Variants in CDC42SE2 observed in about 807,000 individuals in gnomAD.
CDC42SE2 encodes the protein CDC42 small effector protein 2.
Under a neutral mutation model 11.5 loss-of-function variants are expected in CDC42SE2, and 3 were observed. The ratio of observed to expected loss-of-function variants is 0.26; its 90% CI spans 0.12 to 0.67. CDC42SE2 has a LOEUF of 0.67. Among genes scored for constraint, CDC42SE2 ranks in the 30% least tolerant of loss-of-function variants. The pLI is 0.80. For missense variants in CDC42SE2, 82 were observed against 106.8 expected (o/e 0.77, Z 1.02); for synonymous variants, 33 against 34.8 (o/e 0.95, Z 0.18).
intron 1 of CDC42SE2, among the ~76,000 whole-genome samples, chr5:131,248,013 T>G (rs1007463619): frequency 6.6e-6 from 1 of 152,080 alleles, no homozygotes; most frequent in African/African-American, 2.4e-5. Flanking sequence ...TTTAAATAAT[T>G]AAAAAATTTT....
intron 3 of CDC42SE2, among the ~76,000 whole-genome samples, chr5:131,377,316 G>A (rs183947366): frequency 1.3e-5 from 2 of 151,894 alleles, no homozygotes; most frequent in African/African-American, 4.8e-5. Flanking sequence ...CTACAGGGGT[G>A]TGCCACCACA....
intron 2 of CDC42SE2, among the ~76,000 whole-genome samples, chr5:131,342,956 AC>A (rs1298182725): frequency 1.3e-5 from 2 of 152,002 alleles, no homozygotes; most frequent in African/African-American, 2.4e-5. Flanking sequence ...CAGGTGATCC[AC>A]CCACTTCAGC....
At chr5:131,280,564 T>G (rs934402623) in intron 1 of CDC42SE2, among the ~76,000 whole-genome samples, 1 of 152,176 alleles carries the variant, frequency 6.6e-6, no homozygotes, top group African/African-American at 2.4e-5. Context: ...ATGTGGTAAG[T>G]CAACTGGAGA....
chr5:131,388,702 T>G (rs1324407849), intron 4 of CDC42SE2, among the ~76,000 whole-genome samples: 1 of 152,238 alleles, frequency 6.6e-6, no homozygotes, highest in Non-Finnish European at 1.5e-5. Context: ...GATTACTTAT[T>G]AAAGTTACTT....
rs1479945009 is a variant in CDC42SE2, at chr5:131,359,202, T to TC, written c.-285-4dup. Reference sequence around the variant, plus strand: ...ACTTTTTTTTACTTTTTCTTTTTTTTCCCTAGACTATCTGTTATAGTCCCT... The same window carrying TC: ...ACTTTTTTTTACTTTTTCTTTTTTTTCCCCTAGACTATCTGTTATAGTCCCT... On this transcript the variant is annotated splice_region_variant and splice_polypyrimidine_tract_variant and intron_variant, in intron 2 of 4. Coordinates refer to ENST00000505065, the MANE Select transcript of CDC42SE2 (RefSeq NM_001375635.1). 6.6e-6 allele frequency: 2 copies of TC among 303,038 alleles called. No homozygotes were observed. Among genetic ancestry groups the TC allele is most frequent in the Middle Eastern group, 9.1e-4 (1 of 1,098 alleles). The allele number at this position is 303,038 out of a possible 1,614,324, so 18.8% of individuals were successfully genotyped here. A position where few individuals can be genotyped will look rare whatever the true frequency, so the allele number is the denominator to read the frequency against.
intron 2 of CDC42SE2, among the ~76,000 whole-genome samples, chr5:131,318,491 A>G (rs916142427): frequency 6.6e-6 from 1 of 152,196 alleles, no homozygotes; most frequent in Non-Finnish European, 1.5e-5. Context: ...GCTGAGATGA[A>G]GGCACTTATT....
chr5:131,231,814 T>C, the CDC42SE2 span, among the ~76,000 whole-genome samples: 1 of 151,986 alleles, frequency 6.6e-6, no homozygotes, highest in South Asian at 2.1e-4. Context: ...TTTTTGGAAA[T>C]GGAGTCTCAC....
intron 1 of CDC42SE2, among the ~76,000 whole-genome samples, chr5:131,309,880 A>G (rs900126408): frequency 4.6e-5 from 7 of 151,244 alleles, no homozygotes; most frequent in African/African-American, 1.7e-4. Flanking sequence ...AATTTTGTTG[A>G]TCCTTTCAAA....
At position 131,351,505 on chromosome 5, in the gene CDC42SE2, T is replaced by C. The variant is rs375582635; in HGVS notation, c.-285-7704T>C. ...TCCTGACCTTGTGATCCGCCCGCCT[T>C]GGCCTCCCAAAGTGTTGGGATTACA... is the stretch of plus-strand genomic sequence containing the variant. On this transcript the variant is annotated intron_variant, in intron 2 of 4. Transcript: ENST00000505065. Among the ~76,000 whole-genome samples, 13 of 152,174 alleles carry C rather than the reference T, an allele frequency of 8.5e-5. No homozygotes were observed. The East Asian group carries it at 2.1e-3, about 25-fold the overall frequency.
intron 2 of CDC42SE2, among the ~76,000 whole-genome samples, chr5:131,336,466 G>C (rs1348173876): frequency 6.6e-6 from 1 of 151,998 alleles, no homozygotes; most frequent in Non-Finnish European, 1.5e-5. Context: ...TGCTCTTCTC[G>C]AGGAGTATCT....
intron 2 of CDC42SE2, among the ~76,000 whole-genome samples, chr5:131,342,543 T>A (rs1758737088): frequency 6.7e-6 from 1 of 150,334 alleles, no homozygotes; most frequent in African/African-American, 2.5e-5. Context: ...CGCCCGCCAC[T>A]ATGCCCAGCT....
At chr5:131,246,420 C>T (rs935925059) in intron 1 of CDC42SE2, among the ~76,000 whole-genome samples, 11 of 152,148 alleles carry the variant, frequency 7.2e-5, no homozygotes, top group African/African-American at 2.7e-4. Flanking sequence ...CACCATTGCA[C>T]TCCAGCCTGG....
chr5:131,287,539 T>A (rs13173941), intron 1 of CDC42SE2, among the ~76,000 whole-genome samples: 86,440 of 151,548 alleles, frequency 0.57, 28,628 homozygotes, highest in Non-Finnish European at 0.76. Flanking sequence ...CATGTCTCAC[T>A]GCAGCCTCAA....
intron 2 of CDC42SE2, among the ~76,000 whole-genome samples, chr5:131,319,211 A>C (rs1161563666): frequency 6.6e-6 from 1 of 152,090 alleles, no homozygotes; most frequent in Admixed American, 6.6e-5. Flanking sequence ...AAAGGTCGAT[A>C]TGACTTTTCC....
At chr5:131,271,575 C>T (rs2149694009) in intron 1 of CDC42SE2, among the ~76,000 whole-genome samples, 1 of 152,092 alleles carries the variant, frequency 6.6e-6, no homozygotes, top group South Asian at 2.1e-4. Flanking sequence ...GGATTTGGGC[C>T]AGGGTGGGGC....
chr5:131,262,798 G>A (rs1756758976), upstream of CDC42SE2, among the ~76,000 whole-genome samples: 1 of 151,982 alleles, frequency 6.6e-6, no homozygotes, highest in Non-Finnish European at 1.5e-5. Flanking sequence ...TTAAATTGTT[G>A]TGTTTTTTTT....
intron 3 of CDC42SE2, among the ~76,000 whole-genome samples, chr5:131,368,860 A>G (rs1172799249): frequency 6.6e-6 from 1 of 152,232 alleles, no homozygotes. Flanking sequence ...CTTATTTAAC[A>G]TAACCACAAT....
At chr5:131,277,499 C>G (rs567916894) in intron 1 of CDC42SE2, among the ~76,000 whole-genome samples, 1 of 152,266 alleles carries the variant, frequency 6.6e-6, no homozygotes, top group South Asian at 2.1e-4. Flanking sequence ...TTTCTCAACC[C>G]ATTCAGAATA....
chr5:131,375,663 T>G (rs1456121164), intron 3 of CDC42SE2, among the ~76,000 whole-genome samples: 1 of 152,198 alleles, frequency 6.6e-6, no homozygotes, highest in African/African-American at 2.4e-5. Flanking sequence ...TACAAGTTCA[T>G]GTATAGAAGA....
Sources: gnomAD v4.1 joint callset for allele counts (sites outside exome capture counted in the v4.1 genomes callset) on GRCh38, gnomAD v4.1.1 for gene constraint, MANE v1.5 for transcripts, NCBI Gene and HGNC (gene_info 2026-07-23, HGNC 2026-07-21) for gene names.